The following SIK2 variants were observed in gnomAD, a reference collection of about 807,000 sequenced individuals.
SIK2 encodes salt inducible kinase 2, also known as serine/threonine-protein kinase SIK2.
SIK2 carries 29 observed loss-of-function variants against 103.2 expected under a neutral mutation model. That is an observed-to-expected ratio of 0.28 (90% CI 0.21 to 0.38). The LOEUF (loss-of-function observed/expected upper bound fraction) is 0.38, where lower values mean the gene tolerates loss of function less well. SIK2 is among the 10% of genes least tolerant of loss of function. The pLI, the probability that SIK2 is intolerant of heterozygous loss-of-function variation, is 1.00. For missense variants in SIK2, 879 were observed against 1,171.0 expected (o/e 0.75, Z 3.64); for synonymous variants, 412 against 446.1 (o/e 0.92, Z 0.96).
At chr11:111,614,496 TTATAA>T (rs550505889) in intron 1 of SIK2, among the ~76,000 whole-genome samples, 8 of 152,326 alleles carry the variant, frequency 5.3e-5, no homozygotes, top group African/African-American at 1.9e-4. Context: ...TACTTTATTC[TTATAA>T]TAAAGTAAAC....
chr11:111,689,804 C>T (rs1942902835), intron 4 of SIK2, among the ~76,000 whole-genome samples: 1 of 151,970 alleles, frequency 6.6e-6, no homozygotes, highest in Non-Finnish European at 1.5e-5. Flanking sequence ...TTGTCTTAGG[C>T]AATTAGGGGA....
intron 3 of SIK2, among the ~76,000 whole-genome samples, chr11:111,676,369 T>C (rs529187335): frequency 3.3e-5 from 5 of 152,336 alleles, no homozygotes; most frequent in African/African-American, 1.2e-4. Flanking sequence ...CTAGTTTTTA[T>C]TCCCACCAGC....
chr11:111,642,491 G>A (rs1402346984), intron 3 of SIK2, among the ~76,000 whole-genome samples: 1 of 152,096 alleles, frequency 6.6e-6, no homozygotes, highest in African/African-American at 2.4e-5. Context: ...AATACATAGA[G>A]CAAGGTATAG....
intron 3 of SIK2, among the ~76,000 whole-genome samples, chr11:111,641,353 A>G (rs1319792172): frequency 6.6e-6 from 1 of 152,148 alleles, no homozygotes; most frequent in Non-Finnish European, 1.5e-5. Flanking sequence ...AACTGGGCAC[A>G]TTACCTTCTT....
At chr11:111,603,001 G>C (rs1490671363) in intron 1 of SIK2, among the ~76,000 whole-genome samples, 5 of 152,076 alleles carry the variant, frequency 3.3e-5, no homozygotes, top group Non-Finnish European at 7.4e-5. Context: ...CCCCCCACCC[G>C]GGCCGTGACC....
At chr11:111,621,708 A>G (rs1941888729) in intron 3 of SIK2, among the ~76,000 whole-genome samples, 1 of 152,152 alleles carries the variant, frequency 6.6e-6, no homozygotes. Flanking sequence ...TGAGGTCAGG[A>G]GTTCAAGACC....
At chr11:111,613,510 C>T (rs1466077038) in intron 1 of SIK2, among the ~76,000 whole-genome samples, 1 of 152,154 alleles carries the variant, frequency 6.6e-6, no homozygotes, top group Non-Finnish European at 1.5e-5. Flanking sequence ...ATCCTTTTAT[C>T]TGGCAGCTGT....
At chr11:111,721,101 G>C (rs776840934) in intron 12 of SIK2, 39 bp downstream of exon 12, 22 of 1,581,190 alleles carry the variant, frequency 1.4e-5, no homozygotes, top group Non-Finnish European at 1.9e-5. Context: ...GCTCTGTGAG[G>C]ATGAGGTGTG....
In SIK2 at chr11:111,723,496, GC is replaced by G; in HGVS notation, c.2149del (p.Leu717SerfsTer23). The G allele has an allele frequency of 6.3e-7, 1 of 1,590,678 alleles. No individual in the cohort carries two copies. The highest frequency in any genetic ancestry group is 8.6e-7 in the Non-Finnish European group (1 of 1,167,040). On this transcript the variant is annotated frameshift_variant and splice_region_variant, in exon 15 of 15. Coordinates refer to ENST00000304987, the MANE Select transcript of SIK2 (RefSeq NM_015191.3). LOFTEE classifies it high-confidence loss of function. ...CTTTCCTTTGATATTACCAATTTAG[GC>G]TCCAGCAGAAGCGACTCTTTCTTCA... ...SLEQQLQEHR[L>X]QQKRLFLQKQ...
chr11:111,717,973 A>G (rs1035872635), intron 9 of SIK2, among the ~76,000 whole-genome samples: 6 of 152,182 alleles, frequency 3.9e-5, no homozygotes, highest in African/African-American at 1.4e-4. Flanking sequence ...GCAGGGCTTA[A>G]TACCTAGGTG....
chr11:111,618,722 TA>T (rs1376116789), intron 2 of SIK2, among the ~76,000 whole-genome samples: 6 of 151,982 alleles, frequency 3.9e-5, no homozygotes, highest in African/African-American at 7.3e-5. Flanking sequence ...CCTTTAAACT[TA>T]AAAAAAATTA....
In SIK2 at chr11:111,701,423, A is replaced by G; in HGVS notation, c.604-29A>G. 6.2e-7 allele frequency: 1 copy of G among 1,602,602 alleles called. No individual in the cohort carries two copies. The highest frequency in any genetic ancestry group is 8.5e-7 in the Non-Finnish European group (1 of 1,172,348). ...AAAGAGTGTTTGACGTTCTTGGTAG[A>G]AAAGTCTCTGCATTGTTTTCTTCCC... On this transcript the variant is annotated intron_variant, in intron 5 of 14. Transcript: ENST00000304987. This position sits in a 1 kb window ranked among gnomAD's most constrained non-coding sequence, Gnocchi z 4.2.
At chr11:111,668,652 G>A (rs1377190476) in intron 3 of SIK2, among the ~76,000 whole-genome samples, 2 of 152,230 alleles carry the variant, frequency 1.3e-5, no homozygotes, top group African/African-American at 2.4e-5. Flanking sequence ...CTTGTAGTCC[G>A]AGTGACGTGG....
intron 3 of SIK2, among the ~76,000 whole-genome samples, chr11:111,666,516 T>C (rs530240275): frequency 8.5e-5 from 13 of 152,354 alleles, no homozygotes; most frequent in African/African-American, 3.1e-4. Context: ...TAACAGACTT[T>C]TGCAGTATAA....
At chr11:111,716,905 G>A (rs1943656773) in intron 9 of SIK2, among the ~76,000 whole-genome samples, 1 of 152,060 alleles carries the variant, frequency 6.6e-6, no homozygotes, top group Non-Finnish European at 1.5e-5. Context: ...CTAATATCCA[G>A]CCCATAAGGA....
At chr11:111,641,985 G>C (rs1591598231) in intron 3 of SIK2, among the ~76,000 whole-genome samples, 1 of 152,098 alleles carries the variant, frequency 6.6e-6, no homozygotes, top group African/African-American at 2.4e-5. Context: ...TGGTACTACA[G>C]TACCAGACTT....
intron 9 of SIK2, among the ~76,000 whole-genome samples, chr11:111,713,916 G>A (rs757938743): frequency 3.3e-5 from 5 of 152,158 alleles, no homozygotes; most frequent in Non-Finnish European, 2.9e-5. Flanking sequence ...GCAGTGAGCC[G>A]AGATCGTGCC....
In SIK2 at chr11:111,602,603, C is replaced by T; in HGVS notation, c.40C>T (p.Pro14Ser). 3 of 1,532,996 alleles carry T rather than the reference C, an allele frequency of 2.0e-6. No homozygotes were observed. Among genetic ancestry groups the T allele is most frequent in the Admixed American group, 2.0e-5 (1 of 50,392 alleles). 95.0% of individuals were successfully genotyped at this position (1,532,996 alleles called of 1,614,324 possible). Residue 14 changes from proline (P) to serine (S), a missense_variant, in exon 1 of 15, where the codon CCG becomes TCG. Physicochemically the swap from Pro to Ser is moderately conservative, Grantham distance 74. This residue lies in a region of SIK2 where 47 missense variants were observed against 43.9 expected (regional missense o/e 1.07). Transcript: ENST00000304987. This position sits in a 1 kb window ranked among gnomAD's most constrained non-coding sequence, Gnocchi z 4.5. ...TGGCCCGAGGCACTTGCAGCGCGGGCCGGTCCGGGTGGGGTTCTACGACAT... is the reference window on the plus strand; with the variant it reads ...TGGCCCGAGGCACTTGCAGCGCGGGTCGGTCCGGGTGGGGTTCTACGACAT... ...ADGPRHLQRGPVRVGFYDIEG... is the reference protein window; with the variant it reads ...ADGPRHLQRGSVRVGFYDIEG...
At position 111,637,456 on chromosome 11, in the gene SIK2, CTTTT is replaced by C. The variant is rs558690499; in HGVS notation, c.316+17072_316+17075del. Among the ~76,000 whole-genome samples the C allele has an allele frequency of 7.2e-3, 894 of 124,650 alleles. 5 individuals carry two copies. The highest frequency in any genetic ancestry group is 0.064 in the Middle Eastern group (15 of 236). The allele number at this position is 124,650 out of a possible 152,430, so 81.8% of individuals were successfully genotyped here. ...ATCTTATCTGATCATTTTGTAATAT[CTTTT>C]TTTTTTTTTTTTTTTTTGAGAAGGA... is the stretch of plus-strand genomic sequence containing the variant. On this transcript the variant is annotated intron_variant, in intron 3 of 14. Coordinates refer to ENST00000304987, the MANE Select transcript of SIK2 (RefSeq NM_015191.3).
Sources: gnomAD v4.1 joint callset for allele counts (sites outside exome capture counted in the v4.1 genomes callset) on GRCh38, gnomAD v4.1.1 for gene constraint, gnomAD v4.1.1 regional missense constraint, Gnocchi (gnomAD v3.1) non-coding constraint, MANE v1.5 for transcripts, NCBI Gene and HGNC (gene_info 2026-07-23, HGNC 2026-07-21) for gene names.